The following GPR149 variants were observed in gnomAD, a reference collection of about 807,000 sequenced individuals.
The protein encoded by GPR149 is G protein-coupled receptor 149, also known as probable G protein-coupled receptor 149.
In GPR149, 50 loss-of-function variants were observed where a neutral mutation model predicts 50.2. That is an observed-to-expected ratio of 1.00 (90% CI 0.79 to 1.26). The LOEUF is 1.26. Ranked by LOEUF, GPR149 falls within the 50% of genes most tolerant of loss-of-function variation. The pLI is 0.00. For missense variants in GPR149, 983 were observed against 895.4 expected (o/e 1.10, Z -1.25); for synonymous variants, 405 against 358.2 (o/e 1.13, Z -1.48).
rs112464267 is a variant in GPR149, at chr3:154,353,113, T to C, written c.1624-14842A>G. 3,710 of 1,482,774 alleles carry C rather than the reference T, an allele frequency of 2.5e-3. 89 individuals are homozygous for C. The African/African-American group carries it at 0.045, about 18-fold the overall frequency. 91.9% of individuals were successfully genotyped at this position (1,482,774 alleles called of 1,614,324 possible). On this transcript the variant is annotated intron_variant, in intron 3 of 3. Coordinates refer to ENST00000389740, the MANE Select transcript of GPR149 (RefSeq NM_001038705.3). ...TGGGCATTCTGTTTTATGTGTGGATTCATGGCCATTTCAGTTACATTCTTC... is the reference window on the plus strand; with the variant it reads ...TGGGCATTCTGTTTTATGTGTGGATCCATGGCCATTTCAGTTACATTCTTC...
intron 3 of GPR149, among the ~76,000 whole-genome samples, chr3:154,413,890 T>C (rs1245776231): frequency 6.6e-6 from 1 of 151,426 alleles, no homozygotes; most frequent in Non-Finnish European, 1.5e-5. Context: ...ATCTCAAAAA[T>C]ATGGAACTGG....
intron 3 of GPR149, among the ~76,000 whole-genome samples, chr3:154,376,057 T>C (rs1714786446): frequency 6.6e-6 from 1 of 152,206 alleles, no homozygotes; most frequent in East Asian, 1.9e-4. Flanking sequence ...TAAATAGAAA[T>C]TTGTGGGACT....
intron 3 of GPR149, among the ~76,000 whole-genome samples, chr3:154,382,680 T>C (rs1278813202): frequency 1.3e-5 from 2 of 152,180 alleles, no homozygotes; most frequent in Non-Finnish European, 2.9e-5. Flanking sequence ...TGAGTATGAG[T>C]ATGTTCCTGA....
intron 3 of GPR149, among the ~76,000 whole-genome samples, chr3:154,373,211 T>C (rs1224513195): frequency 6.6e-6 from 1 of 151,938 alleles, no homozygotes; most frequent in African/African-American, 2.4e-5. Flanking sequence ...AGGAGGATTG[T>C]CAGGAATGTG....
chr3:154,426,470 G>A (rs1193809731), intron 2 of GPR149, among the ~76,000 whole-genome samples: 2 of 152,140 alleles, frequency 1.3e-5, no homozygotes, highest in African/African-American at 4.8e-5. Flanking sequence ...CTTCATCTCT[G>A]TTAAAGAATA....
chr3:154,402,563 T>C (rs1711574076), intron 3 of GPR149, among the ~76,000 whole-genome samples: 2 of 151,724 alleles, frequency 1.3e-5, no homozygotes, highest in African/African-American at 4.8e-5. Flanking sequence ...CTAAGATCCA[T>C]CTTTCTAAGA....
intron 3 of GPR149, among the ~76,000 whole-genome samples, chr3:154,355,802 A>T (rs1376332341): frequency 6.6e-6 from 1 of 152,210 alleles, no homozygotes; most frequent in Non-Finnish European, 1.5e-5. Flanking sequence ...AATTTCTCAT[A>T]CCTAATTCAC....
chr3:154,412,751 C>T (rs1711872242), intron 3 of GPR149, among the ~76,000 whole-genome samples: 1 of 152,006 alleles, frequency 6.6e-6, no homozygotes. Context: ...AAATTCAATG[C>T]AATTCTCATC....
chr3:154,399,677 T>C (rs955952318), intron 3 of GPR149, among the ~76,000 whole-genome samples: 5 of 152,220 alleles, frequency 3.3e-5, no homozygotes, highest in Non-Finnish European at 7.4e-5. Context: ...ATGGTCCATT[T>C]AGTCATTTAA....
Position 154,429,819 on chromosome 3 carries a change from C to CAAAA in GPR149, c.-205_-204insTTTT. The CAAAA allele has an allele frequency of 3.0e-6, 1 of 337,496 alleles. No individual in the cohort carries two copies. Among genetic ancestry groups the CAAAA allele is most frequent in the Non-Finnish European group, 5.0e-6 (1 of 199,364 alleles). The allele number at this position is 337,496 out of a possible 1,614,324, so 20.9% of individuals were successfully genotyped here. A position where few individuals can be genotyped will look rare whatever the true frequency, so the allele number is the denominator to read the frequency against. The stretch of plus-strand genomic sequence containing the variant: ...TTTAAAAATTAGGTTCCATTTCAAG[C>CAAAA]ATAAAAAAAAAAAAACCCGAACAGA... On this transcript the variant is annotated 5_prime_UTR_variant, in exon 1 of 4. The change abolishes an upstream ATG in the 5' untranslated region. Transcript: ENST00000389740.
At chr3:154,382,326 T>C (rs1204634094) in intron 3 of GPR149, among the ~76,000 whole-genome samples, 1 of 152,154 alleles carries the variant, frequency 6.6e-6, no homozygotes, top group Non-Finnish European at 1.5e-5. Context: ...CTTCAGGGAA[T>C]GGCATTCTCC....
rs1208058958 is a variant in GPR149 at position 154,429,520 on chromosome 3, C to T, written c.96G>A (p.Leu32=). The change falls in exon 1 of 4, where the codon CTG becomes CTA. Residue 32 remains leucine, a synonymous_variant. Coordinates refer to ENST00000389740, the MANE Select transcript of GPR149 (RefSeq NM_001038705.3). ...STDLLNPPGT[L]NIYLFCLTCL... is the part of the protein sequence containing the mutation. ...ATGTCAAGCAAAAAAGATAGATATT[C>T]AGGGTTCCTGGCGGATTTAAAAGGT... 3.1e-6 allele frequency: 5 copies of T among 1,614,170 alleles called. No individual in the cohort carries two copies. The highest frequency in any genetic ancestry group is 4.2e-6 in the Non-Finnish European group (5 of 1,180,026).
intron 3 of GPR149, among the ~76,000 whole-genome samples, chr3:154,405,329 A>G (rs1398347497): frequency 6.6e-6 from 1 of 151,984 alleles, no homozygotes; most frequent in Non-Finnish European, 1.5e-5. Flanking sequence ...TGGCTCACGC[A>G]GGTAATCCCA....
intron 3 of GPR149, among the ~76,000 whole-genome samples, chr3:154,354,491 T>C (rs890698947): frequency 6.6e-6 from 1 of 152,186 alleles, no homozygotes; most frequent in East Asian, 1.9e-4. Context: ...AGGTCAAATG[T>C]TTCCAGTAAA....
intron 3 of GPR149, chr3:154,353,749 A>G: frequency 1.2e-6 from 1 of 826,488 alleles, no homozygotes; most frequent in East Asian, 2.5e-5. Context: ...GAGTCTTTCA[A>G]TCAAGGGGAT....
rs1309506555 is a variant in GPR149, at chr3:154,403,535, A to T, written c.1623+17504T>A. Reference sequence around the variant, plus strand: ...GATTTCAAGGGGCTTGAAAGCATATATAGCTTTGTTCTTTAAAAAAGTATA... The same window carrying T: ...GATTTCAAGGGGCTTGAAAGCATATTTAGCTTTGTTCTTTAAAAAAGTATA... On this transcript the variant is annotated intron_variant, in intron 3 of 3. Coordinates refer to ENST00000389740, the MANE Select transcript of GPR149 (RefSeq NM_001038705.3). 3.3e-5 allele frequency among the ~76,000 whole-genome samples: 5 copies of T among 152,124 alleles called. No individual in the cohort carries two copies. The East Asian group carries it at 5.8e-4, about 18-fold the overall frequency.
At chr3:154,381,639 T>C (rs747981799) in intron 3 of GPR149, among the ~76,000 whole-genome samples, 11 of 152,140 alleles carry the variant, frequency 7.2e-5, no homozygotes, top group Non-Finnish European at 1.3e-4. Flanking sequence ...TATAAAGTCA[T>C]TATATCTGTG....
chr3:154,361,854 G>C (rs542921580), intron 3 of GPR149, among the ~76,000 whole-genome samples: 1 of 152,250 alleles, frequency 6.6e-6, no homozygotes, highest in East Asian at 1.9e-4. Context: ...GTTTACAAAT[G>C]CCAGTCTTAG....
rs117794545 is a variant in GPR149, at chr3:154,353,612, C to A, written c.1624-15341G>T. On this transcript the variant is annotated intron_variant, in intron 3 of 3. Transcript: ENST00000389740. Reference sequence around the variant, plus strand: ...GATATGGTATTGCACCATAAAAACACACCATGCTGAGTTTCCTAGTTTTAT... The same window carrying A: ...GATATGGTATTGCACCATAAAAACAAACCATGCTGAGTTTCCTAGTTTTAT... 6,106 of 1,289,290 alleles carry A rather than the reference C, an allele frequency of 4.7e-3. 241 individuals are homozygous for A. In the Admixed American group the frequency reaches 0.078, roughly 16 times the overall value. 79.9% of individuals were successfully genotyped at this position (1,289,290 alleles called of 1,614,324 possible).
Sources: gnomAD v4.1 joint callset for allele counts (sites outside exome capture counted in the v4.1 genomes callset) on GRCh38, gnomAD v4.1.1 for gene constraint, MANE v1.5 for transcripts, NCBI Gene and HGNC (gene_info 2026-07-23, HGNC 2026-07-21) for gene names.